KATNAL2: variants seen among roughly 807,000 people sequenced by gnomAD.
KATNAL2 encodes the protein katanin p60 ATPase-containing subunit A-like 2.
A neutral mutation model predicts 76.3 loss-of-function variants in KATNAL2; 52 were observed. The ratio of observed to expected loss-of-function variants is 0.68; its 90% confidence interval spans 0.55 to 0.86. The LOEUF (loss-of-function observed/expected upper bound fraction) is 0.86, where lower values mean the gene tolerates loss of function less well. KATNAL2 is among the 40% of genes least tolerant of loss of function. KATNAL2 has a pLI of 0.00. For synonymous variants in KATNAL2, 243 were observed against 244.2 expected (o/e 1.00, Z 0.05); for missense variants, 660 against 668.9 (o/e 0.99, Z 0.15).
At chr18:47,089,501 T>G (rs1484511264) in intron 15 of KATNAL2, among the ~76,000 whole-genome samples, 1 of 152,156 alleles carries the variant, frequency 6.6e-6, no homozygotes, top group Non-Finnish European at 1.5e-5. Context: ...CAAACATCAG[T>G]AGGACATAAA....
At chr18:47,033,886 G>C in intron 3 of KATNAL2, 1 of 1,613,786 alleles carries the variant, frequency 6.2e-7, no homozygotes, top group Non-Finnish European at 8.5e-7. Flanking sequence ...CCAGAGCTCT[G>C]AGAAGACATG....
intron 15 of KATNAL2, among the ~76,000 whole-genome samples, chr18:47,093,571 A>G (rs922331383): frequency 5.9e-5 from 9 of 151,628 alleles, no homozygotes; most frequent in African/African-American, 1.9e-4. Flanking sequence ...TGGCTCTGTC[A>G]CCCAGGCTGG....
chr18:47,058,788 T>C (rs1018785230), intron 7 of KATNAL2, among the ~76,000 whole-genome samples: 1 of 152,280 alleles, frequency 6.6e-6, no homozygotes, highest in African/African-American at 2.4e-5. Flanking sequence ...ACATTTCAGG[T>C]ATGGCTGGGT....
chr18:46,936,615 AT>A (rs1367616530), intron 1 of KATNAL2, among the ~76,000 whole-genome samples: 3 of 152,018 alleles, frequency 2.0e-5, no homozygotes, highest in African/African-American at 7.2e-5. Context: ...CACCATGAAA[AT>A]TTTAAAACTA....
chr18:46,922,474 A>T (rs976200394), intron 1 of KATNAL2, among the ~76,000 whole-genome samples: 7 of 146,680 alleles, frequency 4.8e-5, no homozygotes, highest in South Asian at 2.1e-4. Flanking sequence ...CTAGCCTTTT[A>T]AAAAAAAAAA....
At chr18:47,064,484 G>C (rs192716450) in intron 10 of KATNAL2, among the ~76,000 whole-genome samples, 2 of 151,670 alleles carry the variant, frequency 1.3e-5, no homozygotes, top group Admixed American at 1.3e-4. Context: ...CTATAGAAGA[G>C]GGGACCTTAG....
chr18:46,957,415 C>T (rs1226287057), intron 3 of KATNAL2, among the ~76,000 whole-genome samples: 3 of 151,482 alleles, frequency 2.0e-5, no homozygotes, highest in Non-Finnish European at 2.9e-5. Flanking sequence ...CCACCTCACC[C>T]GGCTAATTTT....
chr18:46,952,267 A>T (rs1304288571), intron 3 of KATNAL2, among the ~76,000 whole-genome samples: 1 of 151,308 alleles, frequency 6.6e-6, no homozygotes, highest in African/African-American at 2.4e-5. Context: ...AGAGACAGGG[A>T]TCTCACTATG....
chr18:46,944,569 T>C (rs2059334217), intron 1 of KATNAL2, among the ~76,000 whole-genome samples: 1 of 151,988 alleles, frequency 6.6e-6, no homozygotes, highest in Non-Finnish European at 1.5e-5. Context: ...ACCCCACATG[T>C]ACTAAAAATA....
At chr18:47,091,551 C>A (rs555313260) in intron 15 of KATNAL2, among the ~76,000 whole-genome samples, 1 of 152,256 alleles carries the variant, frequency 6.6e-6, no homozygotes, top group East Asian at 1.9e-4. Flanking sequence ...TTCCACTTGT[C>A]CTTCGTTTCC....
intron 15 of KATNAL2, among the ~76,000 whole-genome samples, chr18:47,093,898 AT>A (rs1230268216): frequency 6.6e-6 from 1 of 152,078 alleles, no homozygotes; most frequent in Non-Finnish European, 1.5e-5. Flanking sequence ...CTTCTATCAT[AT>A]TTTGTATTCT....
intron 3 of KATNAL2, chr18:47,035,461 A>G (rs2060728526): frequency 2.5e-6 from 3 of 1,203,198 alleles, no homozygotes. Flanking sequence ...GTCCTTGCAG[A>G]CAGCTGAGCA....
At chr18:47,097,380 A>G (rs2063294091) in intron 15 of KATNAL2, among the ~76,000 whole-genome samples, 1 of 152,214 alleles carries the variant, frequency 6.6e-6, no homozygotes, top group Admixed American at 6.5e-5. Context: ...CCACACCGAC[A>G]GTGAGATACA....
chr18:47,085,962 G>T (rs979309383), intron 15 of KATNAL2, among the ~76,000 whole-genome samples: 5 of 151,932 alleles, frequency 3.3e-5, no homozygotes, highest in African/African-American at 4.8e-5. Flanking sequence ...GCGTGGTGGT[G>T]TGTGCCTATA....
At chr18:47,088,417 C>T (rs1192585352) in intron 15 of KATNAL2, among the ~76,000 whole-genome samples, 1 of 152,126 alleles carries the variant, frequency 6.6e-6, no homozygotes, top group Non-Finnish European at 1.5e-5. Flanking sequence ...TGGGCTACTC[C>T]ATCTTGGCCA....
At chr18:47,081,449 T>C (rs996299990) in intron 15 of KATNAL2, among the ~76,000 whole-genome samples, 1 of 152,230 alleles carries the variant, frequency 6.6e-6, no homozygotes, top group Non-Finnish European at 1.5e-5. Context: ...TGTGATATTG[T>C]AGTTTCTTTT....
At chr18:46,965,993 T>A in intron 3 of KATNAL2, among the ~76,000 whole-genome samples, 1 of 116,846 alleles carries the variant, frequency 8.6e-6, no homozygotes, top group East Asian at 3.3e-4. Context: ...TCAGTGTGTG[T>A]GTGTGTGTGT....
intron 1 of KATNAL2, among the ~76,000 whole-genome samples, chr18:46,918,353 C>T (rs941730089): frequency 6.6e-6 from 1 of 152,098 alleles, no homozygotes; most frequent in Non-Finnish European, 1.5e-5. Flanking sequence ...CTTTTAAGGC[C>T]CTGTTTAATC....
At chr18:46,946,946 A>C in intron 3 of KATNAL2, 23 bp downstream of exon 3, 1 of 1,419,630 alleles carries the variant, frequency 7.0e-7, no homozygotes, top group Non-Finnish European at 9.6e-7. Flanking sequence ...TATATAAAAC[A>C]TGATTATACC....
Sources: allele counts gnomAD v4.1 joint callset (sites outside exome capture counted in the v4.1 genomes callset), GRCh38; gene constraint gnomAD v4.1.1; transcripts MANE v1.5; gene names NCBI Gene and HGNC (gene_info 2026-07-23, HGNC 2026-07-21).